Variants in CCDC60 observed in about 807,000 individuals in gnomAD.
The protein encoded by CCDC60 is coiled-coil domain containing 60.
A neutral mutation model predicts 63.5 loss-of-function variants in CCDC60; 54 were observed. The observed-to-expected ratio is 0.85, with a 90% CI of 0.68 to 1.07. The LOEUF is 1.07. Among genes scored for constraint, CCDC60 ranks in the 50% least tolerant of loss-of-function variants. The probability of loss-of-function intolerance (pLI) is 0.00; values close to 1 mark genes in which losing one functional copy is unlikely to be tolerated. For missense variants in CCDC60, 651 were observed against 684.3 expected (o/e 0.95, Z 0.54); for synonymous variants, 206 against 238.8 (o/e 0.86, Z 1.27).
chr12:119,516,557 C>A, intron 7 of CCDC60, 66 bp from the exon 8 acceptor site: 1 of 1,141,534 alleles, frequency 8.8e-7, no homozygotes, highest in Non-Finnish European at 1.3e-6. Context: ...GGGCTGCACC[C>A]TGTTCTGCAC....
chr12:119,458,502 G>GC (rs1450899173), intron 2 of CCDC60, among the ~76,000 whole-genome samples: 1 of 152,018 alleles, frequency 6.6e-6, no homozygotes, highest in African/African-American at 2.4e-5. Context: ...TTAATCCCAT[G>GC]CCCCCCATAA....
In CCDC60 at chr12:119,500,155, T is replaced by TCAC. The variant is rs1193165177; in HGVS notation, c.636_638dup (p.Thr213dup). Reference sequence around the variant, plus strand: ...ATGGGACAGAAATGGGAGCATTTCATCACAGCGCCAAAGGTAACCAACAAC... The same window carrying TCAC: ...ATGGGACAGAAATGGGAGCATTTCATCACCACAGCGCCAAAGGTAACCAACAAC... On this transcript the variant is annotated inframe_insertion, in exon 6 of 14. Transcript: ENST00000327554. The TCAC allele has an allele frequency of 1.9e-6, 3 of 1,609,512 alleles. No homozygotes were observed. In the Admixed American group the frequency reaches 5.0e-5, roughly 27 times the overall value.
intron 4 of CCDC60, among the ~76,000 whole-genome samples, chr12:119,481,591 C>G (rs568923601): frequency 2.4e-4 from 36 of 150,964 alleles, no homozygotes; most frequent in African/African-American, 8.7e-4. Flanking sequence ...AGTCTCACAA[C>G]AGGAATCTTT....
chr12:119,523,325 C>T (rs1184427055), intron 10 of CCDC60, among the ~76,000 whole-genome samples: 1 of 152,164 alleles, frequency 6.6e-6, no homozygotes, highest in African/African-American at 2.4e-5. Flanking sequence ...GAAACCTGGC[C>T]ACGTGAAATG....
At chr12:119,479,277 T>C in intron 4 of CCDC60, 76 bp downstream of exon 4, 1 of 1,004,912 alleles carries the variant, frequency 1.0e-6, no homozygotes, top group Non-Finnish European at 1.5e-6. Context: ...CTCAACGAGC[T>C]GTCATGTCAG....
chr12:119,519,347 C>T (rs804441), intron 8 of CCDC60, among the ~76,000 whole-genome samples: 42,138 of 151,038 alleles, frequency 0.28, 6,073 homozygotes, highest in East Asian at 0.36. Flanking sequence ...CAAATTTCTA[C>T]GCCTCCTCAT....
chr12:119,370,998 C>G (rs1479913167), intron 1 of CCDC60, among the ~76,000 whole-genome samples: 2 of 152,148 alleles, frequency 1.3e-5, no homozygotes, highest in Non-Finnish European at 1.5e-5. Flanking sequence ...TAGCACTGCA[C>G]TCCAGCCTGG....
At chr12:119,377,366 T>G (rs1955964477) in intron 1 of CCDC60, among the ~76,000 whole-genome samples, 3 of 151,980 alleles carry the variant, frequency 2.0e-5, no homozygotes, top group African/African-American at 7.2e-5. Flanking sequence ...TTGTAAAGCC[T>G]TGTCTCTGTA....
intron 1 of CCDC60, among the ~76,000 whole-genome samples, chr12:119,383,857 G>A (rs1956033332): frequency 6.6e-6 from 1 of 152,126 alleles, no homozygotes; most frequent in African/African-American, 2.4e-5. Context: ...AAAGACTTGG[G>A]GTGTCCATGG....
At chr12:119,485,154 G>C (rs1826748180) in intron 4 of CCDC60, among the ~76,000 whole-genome samples, 1 of 152,260 alleles carries the variant, frequency 6.6e-6, no homozygotes, top group Non-Finnish European at 1.5e-5. Context: ...CGCCTTTTAA[G>C]AGAGGTACTG....
At chr12:119,350,343 G>A (rs143982767) in intron 1 of CCDC60, among the ~76,000 whole-genome samples, 1 of 151,972 alleles carries the variant, frequency 6.6e-6, no homozygotes. Flanking sequence ...GATTATAGGC[G>A]CATACCACAA....
rs774909045 is a variant in CCDC60, at chr12:119,505,103, C to A, written c.683C>A (p.Thr228Asn). 1 of 1,609,578 alleles carries A rather than the reference C, an allele frequency of 6.2e-7. No individual in the cohort carries two copies. The highest frequency in any genetic ancestry group is 1.1e-5 in the South Asian group (1 of 90,658). The change falls in exon 7 of 14, where the codon ACC (threonine) becomes AAC (asparagine). Residue 228 changes from threonine to asparagine, a missense_variant. Transcript: ENST00000327554. ...TTCAAAATTCCCACAATGCGAGTCACCAACCGCAAACCAAGCCGGCGAGGC... is the reference window on the plus strand; with the variant it reads ...TTCAAAATTCCCACAATGCGAGTCAACAACCGCAAACCAAGCCGGCGAGGC... The part of the protein sequence containing the change: ...KKFKIPTMRV[T>N]NRKPSRRGST...
Position 119,379,656 on chromosome 12 carries a change from A to C in CCDC60, c.90+44390A>C, listed in dbSNP as rs567645744. On this transcript the variant is annotated intron_variant, in intron 1 of 13. Coordinates refer to ENST00000327554, the MANE Select transcript of CCDC60 (RefSeq NM_178499.5). The stretch of plus-strand genomic sequence containing the variant: ...TATGTATGGTGAAATGTGCAAACAG[A>C]TCAGATGAAGATTTAATTGCCATAG... Among the ~76,000 whole-genome samples, 5 of 152,358 alleles carry C rather than the reference A, an allele frequency of 3.3e-5. No homozygotes were observed. The South Asian group carries it at 1.0e-3, about 32-fold the overall frequency.
At chr12:119,374,359 T>C (rs980096670) in intron 1 of CCDC60, among the ~76,000 whole-genome samples, 1 of 152,238 alleles carries the variant, frequency 6.6e-6, no homozygotes, top group Admixed American at 6.5e-5. Flanking sequence ...CTCTCCTCCT[T>C]TTTAAAGATG....
intron 3 of CCDC60, among the ~76,000 whole-genome samples, chr12:119,476,664 T>A (rs569157403): frequency 6.6e-6 from 1 of 152,324 alleles, no homozygotes; most frequent in South Asian, 2.1e-4. Context: ...CCTCCATGGT[T>A]GCCATTCCTC....
intron 1 of CCDC60, among the ~76,000 whole-genome samples, chr12:119,401,840 A>G (rs1593034383): frequency 6.6e-6 from 1 of 152,196 alleles, no homozygotes. Context: ...GCAGATAATA[A>G]CCCTATTTTA....
At chr12:119,351,571 A>G (rs1955657063) in intron 1 of CCDC60, among the ~76,000 whole-genome samples, 1 of 152,194 alleles carries the variant, frequency 6.6e-6, no homozygotes, top group Non-Finnish European at 1.5e-5. Context: ...CCAGAGAGAG[A>G]AGGGGAGATG....
At chr12:119,482,738 C>G (rs1319300999) in intron 4 of CCDC60, among the ~76,000 whole-genome samples, 2 of 152,032 alleles carry the variant, frequency 1.3e-5, no homozygotes, top group African/African-American at 2.4e-5. Flanking sequence ...GTCTACATGT[C>G]AGCAGGGTGG....
chr12:119,453,135 G>C (rs1455853729), intron 2 of CCDC60, among the ~76,000 whole-genome samples: 1 of 152,074 alleles, frequency 6.6e-6, no homozygotes, highest in Non-Finnish European at 1.5e-5. Flanking sequence ...CCAGAACTTG[G>C]CTTTTTAACT....
Sources: allele counts gnomAD v4.1 joint callset (sites outside exome capture counted in the v4.1 genomes callset), GRCh38; gene constraint gnomAD v4.1.1; transcripts MANE v1.5; gene names NCBI Gene and HGNC (gene_info 2026-07-23, HGNC 2026-07-21).